The following BMERB1 variants were observed in gnomAD, a reference collection of about 807,000 sequenced individuals.
BMERB1 encodes bMERB domain-containing protein 1.
Under a neutral mutation model 23.6 loss-of-function variants are expected in BMERB1, and 12 were observed. The ratio of observed to expected loss-of-function variants is 0.51; its 90% confidence interval spans 0.33 to 0.82. BMERB1 has a LOEUF of 0.82. Ranked by LOEUF, BMERB1 falls within the 40% of genes least tolerant of loss-of-function variation. BMERB1 has a pLI of 0.03. For synonymous variants in BMERB1, 122 were observed against 96.6 expected, an observed-to-expected ratio of 1.26 and a Z score of -1.54; for missense variants, 247 against 255.4, an observed-to-expected ratio of 0.97 and a Z score of 0.22.
chr16:15,482,904 C>A (rs1461947581), intron 1 of BMERB1, among the ~76,000 whole-genome samples: 1 of 152,058 alleles, frequency 6.6e-6, no homozygotes, highest in Non-Finnish European at 1.5e-5. Flanking sequence ...TGGGGGAGAT[C>A]TGTTATTATA....
chr16:15,464,022 A>G (rs111989267), intron 1 of BMERB1, among the ~76,000 whole-genome samples: 4 of 152,262 alleles, frequency 2.6e-5, no homozygotes, highest in African/African-American at 7.2e-5. Context: ...TAGAGAAGTA[A>G]AGAATCAAGG....
intron 1 of BMERB1, among the ~76,000 whole-genome samples, chr16:15,480,304 C>T (rs989940187): frequency 2.6e-5 from 4 of 151,616 alleles, no homozygotes; most frequent in Non-Finnish European, 4.4e-5. Flanking sequence ...TTAGTAGAGA[C>T]GGGGATTCAC....
In BMERB1 at chr16:15,554,663, C is replaced by CTT. The variant is rs55937169; in HGVS notation, c.231-13311_231-13310dup. Reference sequence around the variant, plus strand: ...AAGAAAAAAAAAAGGACCAAGTATTCTTTTTTTTTTCTTTTTTTTTTTAGA... The same window carrying CTT: ...AAGAAAAAAAAAAGGACCAAGTATTCTTTTTTTTTTTTCTTTTTTTTTTTAGA... On this transcript the variant is annotated intron_variant, in intron 2 of 5. Coordinates refer to ENST00000300006, the MANE Select transcript of BMERB1 (RefSeq NM_033201.3). Among the ~76,000 whole-genome samples the CTT allele has an allele frequency of 5.1e-3, 740 of 144,578 alleles. 11 individuals carry two copies. Among genetic ancestry groups the CTT allele is most frequent in the African/African-American group, 0.017 (663 of 39,190 alleles). 94.8% of individuals were successfully genotyped at this position (144,578 alleles called of 152,430 possible).
chr16:15,467,032 A>T (rs1051076315), intron 1 of BMERB1, among the ~76,000 whole-genome samples: 1 of 152,190 alleles, frequency 6.6e-6, no homozygotes, highest in Non-Finnish European at 1.5e-5. Flanking sequence ...TCAGCCATTC[A>T]TTCCTTTTCA....
At chr16:15,498,045 T>C (rs1246334358) in intron 1 of BMERB1, among the ~76,000 whole-genome samples, 2 of 152,208 alleles carry the variant, frequency 1.3e-5, no homozygotes, top group African/African-American at 2.4e-5. Context: ...ATAGATGTTA[T>C]CATTATCCTT....
intron 2 of BMERB1, among the ~76,000 whole-genome samples, chr16:15,552,589 C>T (rs1194940947): frequency 6.6e-6 from 1 of 152,220 alleles, no homozygotes; most frequent in Non-Finnish European, 1.5e-5. Flanking sequence ...GTTGGCCAAC[C>T]TTGCATGCAC....
intron 2 of BMERB1, among the ~76,000 whole-genome samples, chr16:15,522,932 G>A (rs994485192): frequency 6.6e-6 from 1 of 152,080 alleles, no homozygotes; most frequent in Non-Finnish European, 1.5e-5. Flanking sequence ...GACCCTCTAC[G>A]TTGTCCCAAG....
At chr16:15,471,237 A>AT (rs998072362) in intron 1 of BMERB1, among the ~76,000 whole-genome samples, 16 of 151,796 alleles carry the variant, frequency 1.1e-4, no homozygotes, top group East Asian at 9.7e-4. Flanking sequence ...ATAGAGATTC[A>AT]TTTTTTTTGG....
intron 1 of BMERB1, among the ~76,000 whole-genome samples, chr16:15,505,887 C>CTAA (rs2051584879): frequency 1.1e-4 from 6 of 55,640 alleles, no homozygotes; most frequent in African/African-American, 2.4e-4. Context: ...GACGCCGTTT[C>CTAA]AAAAAAAAAA....
chr16:15,451,496 G>A (rs1195466828), intron 1 of BMERB1, among the ~76,000 whole-genome samples: 1 of 146,808 alleles, frequency 6.8e-6, no homozygotes, highest in African/African-American at 2.5e-5. Context: ...TTTGTCCAAC[G>A]TTTGTTTTAC....
intron 3 of BMERB1, among the ~76,000 whole-genome samples, chr16:15,576,589 AC>A (rs902829215): frequency 6.6e-6 from 1 of 152,046 alleles, no homozygotes; most frequent in African/African-American, 2.4e-5. Context: ...ATTGGTGCAA[AC>A]TGGATGGCTT....
chr16:15,447,884 CATTT>C (rs772788188), intron 1 of BMERB1: 11 of 455,378 alleles, frequency 2.4e-5, no homozygotes, highest in Non-Finnish European at 4.4e-5. Flanking sequence ...AAAGAAGTAG[CATTT>C]ATTTATTTAT....
Position 15,515,310 on chromosome 16 carries a change from C to G in BMERB1, c.112C>G (p.Leu38Val). 6.2e-7 allele frequency: 1 copy of G among 1,613,480 alleles called. No homozygotes were observed. The highest frequency in any genetic ancestry group is 1.1e-5 in the South Asian group (1 of 91,034). Residue 38 changes from leucine to valine, a missense_variant, in exon 2 of 6, where the codon CTG (leucine) becomes GTG (valine). Physicochemically the swap from Leu to Val is conservative, Grantham distance 32 (BLOSUM62 1). Transcript: ENST00000300006. ...WKTERLGRNQ[L>V]DIISMAETTM... ...ATTTCCTGTCTCCTGCACAGATCAG[C>G]TGGACATCATCTCCATGGCGGAGAC...
chr16:15,558,990 T>C (rs1815380400), intron 2 of BMERB1, among the ~76,000 whole-genome samples: 1 of 150,982 alleles, frequency 6.6e-6, no homozygotes, highest in Non-Finnish European at 1.5e-5. Flanking sequence ...CTTGCCTTGC[T>C]TGCTTTTAAC....
intron 1 of BMERB1, among the ~76,000 whole-genome samples, chr16:15,457,832 A>G (rs2051098219): frequency 6.6e-6 from 1 of 152,218 alleles, no homozygotes; most frequent in Non-Finnish European, 1.5e-5. Flanking sequence ...AAGAGGTTTA[A>G]TTGACTCACA....
chr16:15,538,233 A>T (rs1215982998), intron 2 of BMERB1, among the ~76,000 whole-genome samples: 1 of 152,104 alleles, frequency 6.6e-6, no homozygotes, highest in Non-Finnish European at 1.5e-5. Flanking sequence ...TGGGTGGATC[A>T]CTTAGGTCAG....
intron 1 of BMERB1, among the ~76,000 whole-genome samples, chr16:15,444,187 A>G (rs1293770814): frequency 1.7e-5 from 2 of 115,036 alleles, no homozygotes; most frequent in African/African-American, 6.8e-5. Flanking sequence ...GGATCCTGGG[A>G]CTGCCTGGTT....
At chr16:15,452,246 G>A (rs185267643) in intron 1 of BMERB1, among the ~76,000 whole-genome samples, 19 of 148,242 alleles carry the variant, frequency 1.3e-4, no homozygotes, top group Admixed American at 1.0e-3. Flanking sequence ...GGGCCACTGC[G>A]CTCCAGCCTG....
chr16:15,465,799 C>G (rs1472834076), intron 1 of BMERB1, among the ~76,000 whole-genome samples: 2 of 152,204 alleles, frequency 1.3e-5, no homozygotes, highest in Admixed American at 1.3e-4. Flanking sequence ...TTTGCTTTTA[C>G]TGTATTATGT....
Sources: gnomAD v4.1 joint callset for allele counts (sites outside exome capture counted in the v4.1 genomes callset) on GRCh38, gnomAD v4.1.1 for gene constraint, MANE v1.5 for transcripts, NCBI Gene and HGNC (gene_info 2026-07-23, HGNC 2026-07-21) for gene names.